GPC5: variants seen among roughly 807,000 people sequenced by gnomAD.
GPC5 encodes glypican 5.
In GPC5, 47 loss-of-function variants were observed where a neutral mutation model predicts 53.9. That is an observed-to-expected ratio of 0.87 (90% CI 0.69 to 1.11). The LOEUF (loss-of-function observed/expected upper bound fraction) is 1.11, where lower values mean the gene tolerates loss of function less well. Among genes scored for constraint, GPC5 ranks in the 50% most tolerant of loss-of-function variants. GPC5 has a pLI of 0.00. For missense variants in GPC5, 748 were observed against 713.1 expected, an observed-to-expected ratio of 1.05 and a Z score of -0.56; for synonymous variants, 286 against 263.3, an observed-to-expected ratio of 1.09 and a Z score of -0.84.
At chr13:91,428,504 G>A (rs759400753) in intron 1 of GPC5, among the ~76,000 whole-genome samples, 10 of 152,144 alleles carry the variant, frequency 6.6e-5, no homozygotes, top group African/African-American at 1.9e-4. Flanking sequence ...CAGGGGCTGC[G>A]TGCACCAAAT....
chr13:92,025,098 C>T lies in GPC5; in HGVS notation c.1401+117041C>T, dbSNP rs189542779. The stretch of plus-strand genomic sequence containing the variant: ...CTGTCTTCACTTACCATATTTTTGC[C>T]TCCCCCTTTCTTTTTGTTTCTTTTT... On this transcript the variant is annotated intron_variant, in intron 6 of 7. Transcript: ENST00000377067. Among the ~76,000 whole-genome samples, 149 of 152,076 alleles carry T rather than the reference C, an allele frequency of 9.8e-4. 2 individuals carry two copies. The highest frequency in any genetic ancestry group is 3.2e-3 in the African/African-American group (132 of 41,484).
At chr13:92,665,828 C>T (rs1156343246) in intron 7 of GPC5, among the ~76,000 whole-genome samples, 4 of 152,120 alleles carry the variant, frequency 2.6e-5, no homozygotes, top group Non-Finnish European at 5.9e-5. Context: ...TGTATTCTGA[C>T]CCTGAATGTA....
intron 7 of GPC5, among the ~76,000 whole-genome samples, chr13:92,258,329 G>A (rs2042741754): frequency 6.6e-6 from 1 of 152,120 alleles, no homozygotes; most frequent in South Asian, 2.1e-4. Flanking sequence ...CCTGAAACCT[G>A]GCAAAAGATC....
At chr13:91,987,360 G>C (rs2040418461) in intron 6 of GPC5, among the ~76,000 whole-genome samples, 1 of 152,128 alleles carries the variant, frequency 6.6e-6, no homozygotes. Context: ...AGCAAGGACT[G>C]TGAGAAGAAT....
At chr13:91,489,826 G>T (rs1469813289) in intron 2 of GPC5, among the ~76,000 whole-genome samples, 1 of 152,124 alleles carries the variant, frequency 6.6e-6, no homozygotes, top group Non-Finnish European at 1.5e-5. Context: ...TGCAGTTACT[G>T]TTATCAATTT....
intron 5 of GPC5, among the ~76,000 whole-genome samples, chr13:91,853,222 G>T (rs1225145730): frequency 2.0e-5 from 3 of 152,044 alleles, no homozygotes; most frequent in Non-Finnish European, 4.4e-5. Flanking sequence ...TTGATATTCA[G>T]TCTCTAACTT....
At chr13:92,830,604 C>A (rs1878014206) in intron 7 of GPC5, among the ~76,000 whole-genome samples, 1 of 152,020 alleles carries the variant, frequency 6.6e-6, no homozygotes, top group Non-Finnish European at 1.5e-5. Flanking sequence ...AACACTGATA[C>A]TTAAAGCATG....
chr13:92,757,331 C>G (rs1874928097), intron 7 of GPC5, among the ~76,000 whole-genome samples: 1 of 152,140 alleles, frequency 6.6e-6, no homozygotes, highest in African/African-American at 2.4e-5. Context: ...AAAATCAATT[C>G]AAGATGGATT....
intron 7 of GPC5, among the ~76,000 whole-genome samples, chr13:92,476,402 T>C (rs1372711432): frequency 1.3e-5 from 2 of 150,546 alleles, no homozygotes; most frequent in Non-Finnish European, 3.0e-5. Context: ...CAACAGGTGC[T>C]GGAGAGGATG....
intron 7 of GPC5, among the ~76,000 whole-genome samples, chr13:92,791,275 C>A (rs771863306): frequency 5.7e-4 from 87 of 152,020 alleles, no homozygotes; most frequent in Admixed American, 1.6e-3. Context: ...ACTTTTTTCA[C>A]TAACTAAAAA....
rs185607614 is a variant in GPC5, at chr13:91,428,906, A to T, written c.164-19855A>T. 7.2e-5 allele frequency among the ~76,000 whole-genome samples: 11 copies of T among 152,044 alleles called. No individual in the cohort carries two copies. The East Asian group carries it at 2.1e-3, about 29-fold the overall frequency. ...TTAAAAATCTATCTAGTTTATGAGCATCTGGGTTTTGTTTTGTTTTCTTTT... is the reference window on the plus strand; with the variant it reads ...TTAAAAATCTATCTAGTTTATGAGCTTCTGGGTTTTGTTTTGTTTTCTTTT... On this transcript the variant is annotated intron_variant, in intron 1 of 7. Transcript: ENST00000377067.
chr13:92,481,822 G>A (rs193185563), intron 7 of GPC5, among the ~76,000 whole-genome samples: 523 of 152,102 alleles, frequency 3.4e-3, no homozygotes, highest in African/African-American at 0.012. Context: ...GATGTTGGGA[G>A]GCTAAGTATA....
intron 7 of GPC5, among the ~76,000 whole-genome samples, chr13:92,718,942 T>G (rs1232579806): frequency 6.6e-6 from 1 of 151,858 alleles, no homozygotes; most frequent in African/African-American, 2.4e-5. Context: ...TAAGAATGTT[T>G]GTAACACAAA....
intron 7 of GPC5, among the ~76,000 whole-genome samples, chr13:92,275,222 AC>A (rs1247272479): frequency 2.0e-5 from 3 of 152,150 alleles, no homozygotes; most frequent in African/African-American, 7.2e-5. Flanking sequence ...ACCCTACTTT[AC>A]ATAATTTTCT....
intron 2 of GPC5, among the ~76,000 whole-genome samples, chr13:91,500,282 T>G (rs902042123): frequency 2.6e-5 from 4 of 152,220 alleles, no homozygotes; most frequent in African/African-American, 9.6e-5. Flanking sequence ...TTTAGTCAAT[T>G]GATATTTGAT....
At chr13:92,545,404 G>C (rs1161399876) in intron 7 of GPC5, among the ~76,000 whole-genome samples, 3 of 152,176 alleles carry the variant, frequency 2.0e-5, no homozygotes, top group Non-Finnish European at 4.4e-5. Flanking sequence ...CTTTATAGCA[G>C]CATGTTTTAT....
intron 1 of GPC5, among the ~76,000 whole-genome samples, chr13:91,441,345 C>A (rs546253525): frequency 5.3e-5 from 8 of 152,086 alleles, no homozygotes; most frequent in Non-Finnish European, 8.8e-5. Flanking sequence ...TATAAAGTTC[C>A]TTTGAATTGT....
At chr13:91,681,736 T>A (rs1396204014) in intron 2 of GPC5, among the ~76,000 whole-genome samples, 2 of 152,166 alleles carry the variant, frequency 1.3e-5, no homozygotes, top group Non-Finnish European at 2.9e-5. Context: ...GTTTTGTACT[T>A]CATAATTAGA....
rs568564589 is a variant in GPC5, at chr13:91,612,243, A to C, written c.326-80944A>C. Among the ~76,000 whole-genome samples, 5 of 152,302 alleles carry C rather than the reference A, an allele frequency of 3.3e-5. No homozygotes were observed. The South Asian group carries it at 6.2e-4, about 19-fold the overall frequency. On this transcript the variant is annotated intron_variant, in intron 2 of 7. Transcript: ENST00000377067. Reference sequence around the variant, plus strand: ...GTGACTGTGATAATATGAAGAATAAATTATACTTCTGTAGCCCTCACTAAT... The same window carrying C: ...GTGACTGTGATAATATGAAGAATAACTTATACTTCTGTAGCCCTCACTAAT...
Sources: allele counts gnomAD v4.1 joint callset (sites outside exome capture counted in the v4.1 genomes callset), GRCh38; gene constraint gnomAD v4.1.1; transcripts MANE v1.5; gene names NCBI Gene and HGNC (gene_info 2026-07-23, HGNC 2026-07-21).